Variants in CLVS1 observed in about 807,000 individuals in gnomAD.
CLVS1 encodes the protein clavesin 1, also known as clavesin-1.
Under a neutral mutation model 33.1 loss-of-function variants are expected in CLVS1, and 10 were observed. That is an observed-to-expected ratio of 0.30 (90% CI 0.19 to 0.51). The LOEUF is 0.51. CLVS1 is among the 20% of genes least tolerant of loss of function. The probability of loss-of-function intolerance (pLI) is 0.97; values close to 1 mark genes in which losing one functional copy is unlikely to be tolerated. For synonymous variants in CLVS1, 163 were observed against 166.1 expected (o/e 0.98, Z 0.14); for missense variants, 343 against 433.4 (o/e 0.79, Z 1.85).
rs116508254 is a variant in CLVS1 at position 61,425,082 on chromosome 8, C to T, written c.631-29059C>T. Among the ~76,000 whole-genome samples the T allele has an allele frequency of 9.7e-3, 1,473 of 152,200 alleles. 17 individuals are homozygous for T. The highest frequency in any genetic ancestry group is 0.033 in the African/African-American group (1,384 of 41,556). ...AATCTGCAACACTTCAGGTCCCAAG[C>T]ATTTTGGCTAAGGAATACTCGACCT... is the stretch of plus-strand genomic sequence containing the variant. On this transcript the variant is annotated intron_variant, in intron 3 of 5. Transcript: ENST00000325897.
chr8:61,454,054 G>C, intron 3 of CLVS1, 87 bp from the exon 4 acceptor site: 1 of 885,582 alleles, frequency 1.1e-6, no homozygotes, highest in Non-Finnish European at 1.9e-6. Flanking sequence ...AGGAAAAACA[G>C]GTTGTTCTTT....
At chr8:61,385,156 C>A (rs538925920) in intron 3 of CLVS1, among the ~76,000 whole-genome samples, 1 of 152,090 alleles carries the variant, frequency 6.6e-6, no homozygotes, top group African/African-American at 2.4e-5. Flanking sequence ...AAGATTTTCA[C>A]GAGAAGAATA....
intron 1 of CLVS1, among the ~76,000 whole-genome samples, chr8:61,289,128 TTGTC>T (rs902551638): frequency 6.6e-6 from 1 of 152,240 alleles, no homozygotes; most frequent in Admixed American, 6.5e-5. Context: ...CTTGCTTTGT[TTGTC>T]ACCAGTCAAG....
At chr8:61,285,740 A>G (rs1218019193), upstream of CLVS1, among the ~76,000 whole-genome samples, 1 of 152,182 alleles carries the variant, frequency 6.6e-6, no homozygotes, top group Non-Finnish European at 1.5e-5. Flanking sequence ...GTGAGGGTGC[A>G]CTGAAGTTGA....
Position 61,127,216 on chromosome 8 carries a change from C to CT in CLVS1, c.-242-4539dup, listed in dbSNP as rs759525568. Among the ~76,000 whole-genome samples the CT allele has an allele frequency of 4.0e-3, 563 of 141,972 alleles. 2 individuals are homozygous for CT. Among genetic ancestry groups the CT allele is most frequent in the African/African-American group, 7.8e-3 (305 of 39,018 alleles). The allele number at this position is 141,972 out of a possible 152,430, so 93.1% of individuals were successfully genotyped here. A position where few individuals can be genotyped will look rare whatever the true frequency, so the allele number is the denominator to read the frequency against. On this transcript the variant is annotated intron_variant, in intron 1 of 2. Coordinates refer to the CLVS1 transcript ENST00000522621. ...TTCTTGGCCTTTGGCTGAGATCAAG[C>CT]TTTTTTTTTTTTTTTGAGATGGAGT...
chr8:61,119,223 T>C (rs1805805307), intron 1 of CLVS1, among the ~76,000 whole-genome samples: 1 of 152,190 alleles, frequency 6.6e-6, no homozygotes, highest in Non-Finnish European at 1.5e-5. Context: ...TCCATTTGCT[T>C]GGTAGATCTT....
the CLVS1 span, among the ~76,000 whole-genome samples, chr8:61,017,423 G>A: frequency 4.6e-5 from 7 of 152,340 alleles, no homozygotes; most frequent in South Asian, 2.1e-4. Flanking sequence ...AGCCGGGTGC[G>A]TTCTGCTATA....
At chr8:61,100,365 GA>G (rs984383231) in intron 1 of CLVS1, among the ~76,000 whole-genome samples, 12 of 152,182 alleles carry the variant, frequency 7.9e-5, no homozygotes, top group African/African-American at 2.9e-4. Flanking sequence ...CTAAATTAGT[GA>G]ATAAGTCCCA....
At chr8:61,057,406 ACACACACC>A (rs1202040780) in intron 1 of CLVS1, among the ~76,000 whole-genome samples, 2 of 129,126 alleles carry the variant, frequency 1.5e-5, no homozygotes, top group African/African-American at 3.0e-5. Flanking sequence ...ACACACACAC[ACACACACC>A]CCATCCAAGG....
chr8:61,476,843 G>C (rs1478558844), intron 5 of CLVS1, among the ~76,000 whole-genome samples: 1 of 152,196 alleles, frequency 6.6e-6, no homozygotes, highest in Non-Finnish European at 1.5e-5. Flanking sequence ...TGTTGAATAG[G>C]AGTGGTGGGA....
chr8:61,233,558 G>A (rs376336870), intron 2 of CLVS1, among the ~76,000 whole-genome samples: 25 of 150,402 alleles, frequency 1.7e-4, no homozygotes, highest in African/African-American at 5.1e-4. Context: ...AAAAGTCCAC[G>A]TCAGTCAGAT....
chr8:61,349,622 A>G (rs948358589), intron 2 of CLVS1, among the ~76,000 whole-genome samples: 1 of 151,932 alleles, frequency 6.6e-6, no homozygotes, highest in African/African-American at 2.4e-5. Flanking sequence ...TTTCTGTTTG[A>G]TCTTCCATCT....
At chr8:61,137,584 G>A (rs547054534) in intron 2 of CLVS1, among the ~76,000 whole-genome samples, 1 of 152,020 alleles carries the variant, frequency 6.6e-6, no homozygotes, top group Non-Finnish European at 1.5e-5. Flanking sequence ...CTCAAGTGCC[G>A]AGCGTCTTCA....
chr8:61,333,932 T>C (rs530448934), intron 2 of CLVS1, among the ~76,000 whole-genome samples: 3 of 152,264 alleles, frequency 2.0e-5, no homozygotes, highest in East Asian at 3.9e-4. Context: ...TTAGCTCCCA[T>C]GTAGAAGTGA....
At chr8:61,427,253 C>T (rs1815929567) in intron 3 of CLVS1, among the ~76,000 whole-genome samples, 1 of 152,162 alleles carries the variant, frequency 6.6e-6, no homozygotes, top group Non-Finnish European at 1.5e-5. Flanking sequence ...CTATCACTCT[C>T]CAGTTCCCAC....
chr8:61,164,009 C>G, intron 2 of CLVS1, among the ~76,000 whole-genome samples: 1 of 152,216 alleles, frequency 6.6e-6, no homozygotes. Context: ...GGGTTGCCCA[C>G]TCCCGGCTCG....
intron 1 of CLVS1, among the ~76,000 whole-genome samples, chr8:61,109,787 G>C (rs1805595176): frequency 6.6e-6 from 1 of 152,136 alleles, no homozygotes; most frequent in Non-Finnish European, 1.5e-5. Context: ...AGAGGAACTG[G>C]TGGTTTTATA....
intron 2 of CLVS1, among the ~76,000 whole-genome samples, chr8:61,247,874 A>C (rs1440555012): frequency 1.3e-5 from 2 of 152,168 alleles, no homozygotes; most frequent in Non-Finnish European, 2.9e-5. Flanking sequence ...TAGGTCCAGG[A>C]TGGGAGTGCC....
chr8:61,246,180 T>TTTTTTTTTTTTTTTTTC (rs1808804804), intron 2 of CLVS1, among the ~76,000 whole-genome samples: 1 of 128,332 alleles, frequency 7.8e-6, no homozygotes, highest in Non-Finnish European at 1.7e-5. Context: ...TTTTTTTTTT[T>TTTTTTTTTTTTTTTTTC]TTTTTTTTTT....
Sources: allele counts gnomAD v4.1 joint callset (sites outside exome capture counted in the v4.1 genomes callset), GRCh38; gene constraint gnomAD v4.1.1; transcripts MANE v1.5; gene names NCBI Gene and HGNC (gene_info 2026-07-23, HGNC 2026-07-21).